SEL1L3: variants seen among roughly 807,000 people sequenced by gnomAD.
The protein encoded by SEL1L3 is protein sel-1 homolog 3.
In SEL1L3, 76 loss-of-function variants were observed where a neutral mutation model predicts 142.8. That is an observed-to-expected ratio of 0.53 (90% CI 0.44 to 0.64). SEL1L3 has a LOEUF of 0.64. Ranked by LOEUF, SEL1L3 falls within the 30% of genes least tolerant of loss-of-function variation. SEL1L3 has a pLI of 0.00. For missense variants in SEL1L3, 1,262 were observed against 1,381.7 expected (o/e 0.91, Z 1.37); for synonymous variants, 504 against 519.6 (o/e 0.97, Z 0.41).
chr4:25,851,825 G>A (rs1716921423), intron 1 of SEL1L3, among the ~76,000 whole-genome samples: 1 of 147,786 alleles, frequency 6.8e-6, no homozygotes, highest in African/African-American at 2.5e-5. Context: ...GGAGGCAGAG[G>A]TTGCAGTGAG....
chr4:25,812,636 C>T (rs889292701), intron 9 of SEL1L3, among the ~76,000 whole-genome samples: 13 of 151,384 alleles, frequency 8.6e-5, no homozygotes, highest in Admixed American at 6.6e-4. Context: ...AGCTTGAACC[C>T]GGGAGGCAGA....
At chr4:25,775,070 C>T (rs1030813457) in intron 17 of SEL1L3, among the ~76,000 whole-genome samples, 1 of 152,004 alleles carries the variant, frequency 6.6e-6, no homozygotes, top group Admixed American at 6.6e-5. Context: ...GTTGGGAAAG[C>T]GAGAAGCAGA....
the SEL1L3 span, among the ~76,000 whole-genome samples, chr4:25,737,136 C>T: frequency 6.6e-6 from 1 of 152,084 alleles, no homozygotes; most frequent in African/African-American, 2.4e-5. Context: ...AGGCACACGC[C>T]ACCACGCTCA....
chr4:25,745,521 AG>A (rs1453669478), downstream of SEL1L3, among the ~76,000 whole-genome samples: 2 of 152,086 alleles, frequency 1.3e-5, no homozygotes, highest in Non-Finnish European at 2.9e-5. Context: ...TTCCAAATTG[AG>A]GCAAGGGACC....
the SEL1L3 span, among the ~76,000 whole-genome samples, chr4:25,731,366 C>T: frequency 6.6e-6 from 1 of 152,116 alleles, no homozygotes; most frequent in African/African-American, 2.4e-5. Flanking sequence ...CCACCATAAG[C>T]TGCACATATT....
chr4:25,751,581 G>A (rs1057055681), intron 23 of SEL1L3, among the ~76,000 whole-genome samples: 4 of 151,568 alleles, frequency 2.6e-5, no homozygotes, highest in African/African-American at 7.3e-5. Context: ...GCTGCCTGGT[G>A]GAATGCGAGC....
chr4:25,759,446 A>G (rs1459603332), intron 20 of SEL1L3: 2 of 167,622 alleles, frequency 1.2e-5, no homozygotes, highest in Non-Finnish European at 2.6e-5. Flanking sequence ...CTCAGTTGCC[A>G]TAGCCCTGTT....
rs1219977523 is a variant in SEL1L3, at chr4:25,807,658, G to A, written c.1565-2906C>T. ...ATTTTGCCAGAGTACCCGTGGACCC[G>A]AGCTTTGTAGGCTCAGAGGAGGAAG... On this transcript the variant is annotated intron_variant, in intron 9 of 23. Coordinates refer to ENST00000399878, the MANE Select transcript of SEL1L3 (RefSeq NM_015187.5). Among the ~76,000 whole-genome samples, 5 of 152,006 alleles carry A rather than the reference G, an allele frequency of 3.3e-5. No individual in the cohort carries two copies. The South Asian group carries it at 8.3e-4, about 25-fold the overall frequency.
At chr4:25,732,944 C>T in the SEL1L3 span, among the ~76,000 whole-genome samples, 1 of 152,134 alleles carries the variant, frequency 6.6e-6, no homozygotes, top group Non-Finnish European at 1.5e-5. Context: ...TGGGGTTTCA[C>T]CATGTTGGCC....
At chr4:25,838,225 A>C (rs924498667) in intron 2 of SEL1L3, among the ~76,000 whole-genome samples, 20 of 152,202 alleles carry the variant, frequency 1.3e-4, no homozygotes, top group African/African-American at 4.8e-4. Context: ...TCATTTCTTT[A>C]GCTTATTTTG....
At position 25,862,849 on chromosome 4, in the gene SEL1L3, C is replaced by G. The variant is rs1056393293; in HGVS notation, c.-13G>C. 1.8e-6 allele frequency: 2 copies of G among 1,100,204 alleles called. No homozygotes were observed. The highest frequency in any genetic ancestry group is 2.2e-6 in the Non-Finnish European group (2 of 905,390). The allele number at this position is 1,100,204 out of a possible 1,614,324, so 68.2% of individuals were successfully genotyped here. ...CGCGCCGCTGCATGGCGAGGCCGCC[C>G]GGATCCGGGCCGGAACAGGTCACCT... is the stretch of plus-strand genomic sequence containing the variant. On this transcript the variant is annotated 5_prime_UTR_variant, in exon 1 of 24. Coordinates refer to ENST00000399878, the MANE Select transcript of SEL1L3 (RefSeq NM_015187.5).
chr4:25,821,889 T>G, intron 7 of SEL1L3, 107 bp downstream of exon 7: 3 of 1,136,982 alleles, frequency 2.6e-6, no homozygotes, highest in Non-Finnish European at 3.7e-6. Context: ...ACAGAGGCGA[T>G]GCATGGTCTG....
chr4:25,822,205 C>T lies in SEL1L3; in HGVS notation c.1158-77G>A, dbSNP rs183030291. ...TTAAAAACAGTCTCTTTCCTAGACCCTCCTTGACTTAACCCAAATTGCCCC... is the reference window on the plus strand; with the variant it reads ...TTAAAAACAGTCTCTTTCCTAGACCTTCCTTGACTTAACCCAAATTGCCCC... On this transcript the variant is annotated intron_variant, in intron 6 of 23. Transcript: ENST00000399878. 7.2e-5 allele frequency: 113 copies of T among 1,569,798 alleles called. No individual in the cohort carries two copies. The East Asian group carries it at 2.5e-3, about 35-fold the overall frequency.
chr4:25,862,707 A>G lies in SEL1L3; in HGVS notation c.130T>C (p.Ser44Pro). Residue 44 changes from serine to proline, a missense_variant, in exon 1 of 24, where the codon TCT becomes CCT. Transcript: ENST00000399878. The stretch of plus-strand genomic sequence containing the variant: ...CAGAGCAGGAGCAGCGCGCAGGCAG[A>G]GCGGCCGCCGAGGCCCTGGGGGACG... ...GGVPQGLGGRSACALLLLCYL... is the reference protein window; with the variant it reads ...GGVPQGLGGRPACALLLLCYL... 2 of 1,299,018 alleles carry G rather than the reference A, an allele frequency of 1.5e-6. No homozygotes were observed. Among genetic ancestry groups the G allele is most frequent in the Admixed American group, 3.3e-5 (1 of 30,144 alleles). 80.5% of individuals were successfully genotyped at this position (1,299,018 alleles called of 1,614,324 possible). A position where few individuals can be genotyped will look rare whatever the true frequency, so the allele number is the denominator to read the frequency against.
At chr4:25,843,828 C>T (rs140661214) in intron 2 of SEL1L3, among the ~76,000 whole-genome samples, 108 of 152,334 alleles carry the variant, frequency 7.1e-4, no homozygotes, top group Middle Eastern at 3.4e-3. Context: ...ATGGCCTGGC[C>T]GGGTCTGGCC....
intron 1 of SEL1L3, among the ~76,000 whole-genome samples, chr4:25,851,709 T>C (rs1219132552): frequency 6.6e-6 from 1 of 151,782 alleles, no homozygotes; most frequent in African/African-American, 2.4e-5. Flanking sequence ...GCCAGCATGG[T>C]GAAACCCCGT....
chr4:25,825,505 A>G lies in SEL1L3; in HGVS notation c.1158-3377T>C, dbSNP rs114680460. On this transcript the variant is annotated intron_variant, in intron 6 of 23. Transcript: ENST00000399878. ...CGCAGAGCACCAGAAGCCTGAAAGA[A>G]TCACCGACGTTGTGAAACAGGCCTC... Among the ~76,000 whole-genome samples the G allele has an allele frequency of 7.0e-3, 1,060 of 152,198 alleles. 14 individuals are homozygous for G. Among genetic ancestry groups the G allele is most frequent in the African/African-American group, 0.024 (999 of 41,526 alleles).
At chr4:25,810,682 C>T (rs1047708664) in intron 9 of SEL1L3, among the ~76,000 whole-genome samples, 6 of 152,144 alleles carry the variant, frequency 3.9e-5, no homozygotes, top group South Asian at 2.1e-4. Flanking sequence ...TCCCCTCTTC[C>T]GGAGTCCTGA....
chr4:25,814,441 A>C (rs1383386535), intron 9 of SEL1L3, among the ~76,000 whole-genome samples: 2 of 152,266 alleles, frequency 1.3e-5, no homozygotes, highest in African/African-American at 4.8e-5. Context: ...AATTCCAAGC[A>C]TCAAACATCT....
Sources: allele counts gnomAD v4.1 joint callset (sites outside exome capture counted in the v4.1 genomes callset), GRCh38; gene constraint gnomAD v4.1.1; transcripts MANE v1.5; gene names NCBI Gene and HGNC (gene_info 2026-07-23, HGNC 2026-07-21).